CAMK1D: variants seen among roughly 807,000 people sequenced by gnomAD.
CAMK1D encodes calcium/calmodulin dependent protein kinase ID, also known as calcium/calmodulin-dependent protein kinase type 1D.
A neutral mutation model predicts 47.7 loss-of-function variants in CAMK1D; 9 were observed. The observed-to-expected ratio is 0.19, with a 90% CI of 0.11 to 0.33. The LOEUF (loss-of-function observed/expected upper bound fraction) is 0.33, where lower values mean the gene tolerates loss of function less well. CAMK1D is among the 10% of genes least tolerant of loss of function. The probability of loss-of-function intolerance (pLI) is 1.00; values close to 1 mark genes in which losing one functional copy is unlikely to be tolerated. For synonymous variants in CAMK1D, 184 were observed against 184.9 expected (o/e 0.99, Z 0.04); for missense variants, 291 against 488.7 (o/e 0.60, Z 3.81).
intron 1 of CAMK1D, among the ~76,000 whole-genome samples, chr10:12,542,135 T>C (rs950082221): frequency 2.6e-5 from 4 of 151,596 alleles, no homozygotes; most frequent in African/African-American, 7.3e-5. Flanking sequence ...TGCCTTGGCC[T>C]CCCAAAGTGC....
intron 3 of CAMK1D, among the ~76,000 whole-genome samples, chr10:12,748,024 A>G (rs1449562153): frequency 1.3e-5 from 2 of 152,208 alleles, no homozygotes; most frequent in Non-Finnish European, 2.9e-5. Flanking sequence ...ATATTTGACC[A>G]CTGTGGCCCA....
At chr10:12,803,615 A>G (rs1838579186) in intron 6 of CAMK1D, among the ~76,000 whole-genome samples, 1 of 152,148 alleles carries the variant, frequency 6.6e-6, no homozygotes, top group Non-Finnish European at 1.5e-5. Context: ...AGATCACGCC[A>G]TTGCACTCCA....
At chr10:12,689,399 A>G (rs12219652) in intron 3 of CAMK1D, among the ~76,000 whole-genome samples, 48,101 of 152,220 alleles carry the variant, frequency 0.32, 8,438 homozygotes, top group South Asian at 0.54. Context: ...TCTCACCCTC[A>G]TCCCACATTT....
In CAMK1D at chr10:12,792,988, G is replaced by A. The variant is rs116811754; in HGVS notation, c.641+1755G>A. Among the ~76,000 whole-genome samples the A allele has an allele frequency of 5.9e-3, 890 of 150,440 alleles. 4 individuals carry two copies. Among genetic ancestry groups the A allele is most frequent in the Middle Eastern group, 0.034 (10 of 294 alleles). ...CACACACACACACACACACACGCAC[G>A]CACACAATTTTGCATACCATTTTCT... is the stretch of plus-strand genomic sequence containing the variant. On this transcript the variant is annotated intron_variant, in intron 6 of 10. Transcript: ENST00000619168.
chr10:12,679,215 T>G (rs45535437), intron 3 of CAMK1D, among the ~76,000 whole-genome samples: 1 of 152,244 alleles, frequency 6.6e-6, no homozygotes, highest in East Asian at 1.9e-4. Flanking sequence ...ATATGAACAA[T>G]TGTAACCTTT....
chr10:12,816,830 C>CCATTGCA (rs1210066829), intron 8 of CAMK1D, among the ~76,000 whole-genome samples: 2 of 148,784 alleles, frequency 1.3e-5, no homozygotes. Flanking sequence ...TGAGATCGCA[C>CCATTGCA]CATTGCACTC....
intron 2 of CAMK1D, among the ~76,000 whole-genome samples, chr10:12,583,401 T>G (rs1295127722): frequency 6.6e-6 from 1 of 152,148 alleles, no homozygotes; most frequent in Non-Finnish European, 1.5e-5. Flanking sequence ...TCAGCTATGT[T>G]TTAGGATAAA....
At chr10:12,376,815 G>A (rs1210942027) in intron 1 of CAMK1D, among the ~76,000 whole-genome samples, 3 of 150,964 alleles carry the variant, frequency 2.0e-5, no homozygotes, top group Non-Finnish European at 2.9e-5. Flanking sequence ...GTACAGTGGC[G>A]TGATCTCGGC....
chr10:12,821,963 G>C (rs555416655), intron 8 of CAMK1D, among the ~76,000 whole-genome samples: 1 of 152,020 alleles, frequency 6.6e-6, no homozygotes, highest in African/African-American at 2.4e-5. Flanking sequence ...GACAGAGCAA[G>C]ACTCTGTCTC....
intron 1 of CAMK1D, among the ~76,000 whole-genome samples, chr10:12,383,586 C>T (rs1368594078): frequency 6.6e-6 from 1 of 152,078 alleles, no homozygotes; most frequent in Non-Finnish European, 1.5e-5. Flanking sequence ...CTCTTTCTTA[C>T]CTAGTACAAG....
chr10:12,688,020 C>T (rs1386560865), intron 3 of CAMK1D, among the ~76,000 whole-genome samples: 2 of 152,106 alleles, frequency 1.3e-5, no homozygotes, highest in East Asian at 1.9e-4. Flanking sequence ...TAGTTGAAAA[C>T]AATCGCTGCC....
At chr10:12,513,448 T>C (rs551321858) in intron 1 of CAMK1D, among the ~76,000 whole-genome samples, 1 of 152,242 alleles carries the variant, frequency 6.6e-6, no homozygotes, top group African/African-American at 2.4e-5. Flanking sequence ...AGGCCTGTTA[T>C]GAATATGTGA....
intron 3 of CAMK1D, among the ~76,000 whole-genome samples, chr10:12,733,591 T>C (rs7096474): frequency 0.94 from 143,304 of 152,300 alleles, 67,992 homozygotes; most frequent in Non-Finnish European, 1. Flanking sequence ...ACAGCGTGTA[T>C]AGCCACAGAA....
chr10:12,808,404 G>A (rs1437806135), intron 6 of CAMK1D, among the ~76,000 whole-genome samples: 1 of 152,216 alleles, frequency 6.6e-6, no homozygotes, highest in Admixed American at 6.5e-5. Context: ...TACTTGACGT[G>A]TGAGTGCTTG....
At chr10:12,565,014 GC>G (rs1449276618) in intron 2 of CAMK1D, among the ~76,000 whole-genome samples, 3 of 152,142 alleles carry the variant, frequency 2.0e-5, no homozygotes, top group Admixed American at 2.0e-4. Flanking sequence ...TTTAAGACCA[GC>G]CTGGACAACA....
chr10:12,362,603 T>TTC (rs575689882), intron 1 of CAMK1D, among the ~76,000 whole-genome samples: 254 of 152,290 alleles, frequency 1.7e-3, no homozygotes, highest in Non-Finnish European at 3.0e-3. Context: ...GTTCCCGCCA[T>TTC]TCTCCTGCCT....
intron 3 of CAMK1D, among the ~76,000 whole-genome samples, chr10:12,707,301 T>A (rs574551041): frequency 6.6e-6 from 1 of 152,232 alleles, no homozygotes; most frequent in African/African-American, 2.4e-5. Flanking sequence ...GAAGTAGTAT[T>A]ATAATCATGT....
intron 2 of CAMK1D, among the ~76,000 whole-genome samples, chr10:12,571,959 A>C (rs1837341071): frequency 6.6e-6 from 1 of 152,132 alleles, no homozygotes; most frequent in African/African-American, 2.4e-5. Flanking sequence ...TAATGTAAGC[A>C]CATGTATCCT....
chr10:12,571,319 C>T (rs916096438), intron 2 of CAMK1D, among the ~76,000 whole-genome samples: 15 of 151,458 alleles, frequency 9.9e-5, no homozygotes, highest in East Asian at 3.9e-4. Context: ...CATGGTGGCG[C>T]GTGCCTGTAA....
Sources: gnomAD v4.1 joint callset for allele counts (sites outside exome capture counted in the v4.1 genomes callset) on GRCh38, gnomAD v4.1.1 for gene constraint, MANE v1.5 for transcripts, NCBI Gene and HGNC (gene_info 2026-07-23, HGNC 2026-07-21) for gene names.